ZNF785: variants seen among roughly 807,000 people sequenced by gnomAD.
The protein encoded by ZNF785 is zinc finger protein 785.
A neutral mutation model predicts 11.3 loss-of-function variants in ZNF785; 15 were observed. That is an observed-to-expected ratio of 1.32 (90% CI 0.89 to 2.04). The LOEUF is 2.04. ZNF785 is among the 30% of genes most tolerant of loss of function. The pLI is 0.00. For synonymous variants in ZNF785, 221 were observed against 231.0 expected (o/e 0.96, Z 0.39); for missense variants, 572 against 560.9 (o/e 1.02, Z -0.20).
Position 30,582,941 on chromosome 16 carries a change from C to T in ZNF785, c.837G>A (p.Thr279=), listed in dbSNP as rs2051836882. Residue 279 remains threonine (T), a synonymous_variant, in exon 3 of 3, where the codon ACG becomes ACA. Coordinates refer to ENST00000395216, the MANE Select transcript of ZNF785 (RefSeq NM_152458.7). ...YLLAIHQRKH[T]GEKPYSCPDC... ...CGGGGCAGCTGTAGGGCTTCTCGCC[C>T]GTGTGCTTGCGCTGGTGGATGGCCA... is the stretch of plus-strand genomic sequence containing the variant. 1.9e-6 allele frequency: 3 copies of T among 1,612,770 alleles called. No homozygotes were observed. Among genetic ancestry groups the T allele is most frequent in the South Asian group, 1.1e-5 (1 of 91,028 alleles).
chr16:30,581,763 C>A lies in ZNF785; in HGVS notation c.*797G>T, dbSNP rs1356911785. Reference sequence around the variant, plus strand: ...GGAACACCTACACTCCAGGTGTCTCCTTGCCAGATGTTTCACCTGCATTGG... The same window carrying A: ...GGAACACCTACACTCCAGGTGTCTCATTGCCAGATGTTTCACCTGCATTGG... On this transcript the variant is annotated 3_prime_UTR_variant, in exon 3 of 3. Transcript: ENST00000395216. The A allele has an allele frequency of 6.6e-6, 1 of 152,188 alleles. No homozygotes were observed. The highest frequency in any genetic ancestry group is 6.6e-5 in the Admixed American group (1 of 15,258). 9.4% of individuals were successfully genotyped at this position (152,188 alleles called of 1,614,324 possible). A position where few individuals can be genotyped will look rare whatever the true frequency, so the allele number is the denominator to read the frequency against.
chr16:30,583,594 T>C, intron 2 of ZNF785, 151 bp from the exon 3 acceptor site: 1 of 990,574 alleles, frequency 1.0e-6, no homozygotes, highest in Non-Finnish European at 1.4e-6. Context: ...GGAGCACGGC[T>C]TAATGATAGG....
chr16:30,584,797 ACAT>A (rs2051866271), intron 2 of ZNF785, among the ~76,000 whole-genome samples: 1 of 152,216 alleles, frequency 6.6e-6, no homozygotes, highest in Non-Finnish European at 1.5e-5. Context: ...CACGTGGTTC[ACAT>A]CATTAATATC....
chr16:30,582,672 C>T lies in ZNF785; in HGVS notation c.1106G>A (p.Arg369His), dbSNP rs1473771635. The change falls in exon 3 of 3, where the codon CGC (arginine) becomes CAC (histidine). Residue 369 changes from arginine (R) to histidine (H), a missense_variant. Arg to His is a conservative substitution (Grantham distance 29). Coordinates refer to ENST00000395216, the MANE Select transcript of ZNF785 (RefSeq NM_152458.7). ...RWIHRSCSER[R>H]AWQQAVVGRS... ...CCCCACCACGGCCTGCTGCCACGCG[C>T]GCCTCTCGCTGCAGGAGCGGTGGAT... 6 of 1,614,056 alleles carry T rather than the reference C, an allele frequency of 3.7e-6. No individual in the cohort carries two copies. The highest frequency in any genetic ancestry group is 5.1e-6 in the Non-Finnish European group (6 of 1,180,056).
Position 30,585,103 on chromosome 16 carries a change from A to C in ZNF785, c.334+19T>G. 6.3e-7 allele frequency: 1 copy of C among 1,598,824 alleles called. No individual in the cohort carries two copies. The highest frequency in any genetic ancestry group is 1.7e-4 in the Middle Eastern group (1 of 5,988). ...CGGGGGTTGGGGCTTCTCCACGGCT[A>C]CTTATCCAAATGAAGTACCTGCTTC... On this transcript the variant is annotated intron_variant, in intron 2 of 2. Transcript: ENST00000395216. This position sits in a 1 kb window ranked among gnomAD's most constrained non-coding sequence, Gnocchi z 4.0.
chr16:30,583,484 G>T, intron 2 of ZNF785, 41 bp from the exon 3 acceptor site: 1 of 1,516,706 alleles, frequency 6.6e-7, no homozygotes, highest in Non-Finnish European at 8.8e-7. Context: ...CTCATCCCTG[G>T]ATCCTGAGAC....
chr16:30,579,549 G>A, downstream of ZNF785: 1 of 289,578 alleles, frequency 3.5e-6, no homozygotes, highest in South Asian at 3.1e-5. Context: ...CACCACGCCT[G>A]GCTAATTTTT....
At position 30,583,043 on chromosome 16, in the gene ZNF785, G is replaced by T; in HGVS notation, c.735C>A (p.Ile245=). Residue 245 remains isoleucine (I), a synonymous_variant, in exon 3 of 3, where the codon ATC becomes ATA. Coordinates refer to ENST00000395216, the MANE Select transcript of ZNF785 (RefSeq NM_152458.7). The stretch of plus-strand genomic sequence containing the variant: ...TCTCCCCGGTGTGAGCCCGCCTGTG[G>T]ATAGCCAGGGAACCCCTCTGGCGGA... ...RRFRQRGSLA[I]HRRAHTGEKP... The T allele has an allele frequency of 6.2e-7, 1 of 1,612,926 alleles. No homozygotes were observed. Among genetic ancestry groups the T allele is most frequent in the Non-Finnish European group, 8.5e-7 (1 of 1,179,786 alleles).
rs779483695 is a variant in ZNF785 at position 30,583,035 on chromosome 16, C to T, written c.743G>A (p.Arg248Gln). 1.4e-5 allele frequency: 22 copies of T among 1,613,830 alleles called. No individual in the cohort carries two copies. In the South Asian group the frequency reaches 2.2e-4, roughly 16 times the overall value. Residue 248 changes from arginine to glutamine, a missense_variant, in exon 3 of 3, where the codon CGG becomes CAG. Coordinates refer to ENST00000395216, the MANE Select transcript of ZNF785 (RefSeq NM_152458.7). The stretch of plus-strand genomic sequence containing the variant: ...GTAAGGCTTCTCCCCGGTGTGAGCC[C>T]GCCTGTGGATAGCCAGGGAACCCCT... ...RQRGSLAIHR[R>Q]AHTGEKPYAC... is the part of the protein sequence containing the mutation.
In ZNF785 at chr16:30,582,991, T is replaced by C; in HGVS notation, c.787A>G (p.Ser263Gly). 6.2e-7 allele frequency: 1 copy of C among 1,613,776 alleles called. No homozygotes were observed. ...AGCAGGTAGGGGTAAGTGAAGCGAC[T>C]CTTGCAGTCTGAGCACGCGTAAGGC... is the stretch of plus-strand genomic sequence containing the variant. ...EKPYACSDCK[S>G]RFTYPYLLAI... The change falls in exon 3 of 3, where the codon AGT becomes GGT. Residue 263 changes from serine (S) to glycine (G), a missense_variant. Transcript: ENST00000395216.
rs2051798172 is a variant in ZNF785 at position 30,580,689 on chromosome 16, A to T, written c.*1871T>A. The T allele has an allele frequency of 7.5e-6, 1 of 132,924 alleles. No individual in the cohort carries two copies. Among genetic ancestry groups the T allele is most frequent in the Non-Finnish European group, 1.6e-5 (1 of 63,560 alleles). The allele number at this position is 132,924 out of a possible 1,614,324, so 8.2% of individuals were successfully genotyped here. On this transcript the variant is annotated 3_prime_UTR_variant, in exon 3 of 3. Coordinates refer to ENST00000395216, the MANE Select transcript of ZNF785 (RefSeq NM_152458.7). ...TTTTTTTTTGGTATTTTTAGTAGAGATGGGGTTTCACCATATTGGCCAGGC... is the reference window on the plus strand; with the variant it reads ...TTTTTTTTTGGTATTTTTAGTAGAGTTGGGGTTTCACCATATTGGCCAGGC...
chr16:30,583,242 C>A lies in ZNF785; in HGVS notation c.536G>T (p.Arg179Leu), dbSNP rs749085370. 1.2e-6 allele frequency: 2 copies of A among 1,613,584 alleles called. No individual in the cohort carries two copies. The highest frequency in any genetic ancestry group is 1.7e-6 in the Non-Finnish European group (2 of 1,179,642). The change falls in exon 3 of 3, where the codon CGC (arginine) becomes CTC (leucine). Residue 179 changes from arginine (R) to leucine (L), a missense_variant. Physicochemically the swap from Arg to Leu is moderately radical, Grantham distance 102 (BLOSUM62 -2). Transcript: ENST00000395216. ...RLPHSCPDCG[R>L]NFSYPSLLAS... ...CAGGAGGGAAGGGTAGCTGAAGTTG[C>A]GGCCACAGTCTGGGCAAGAGTGGGG...
rs1421734241 is a variant in ZNF785, at chr16:30,582,914, A to G, written c.864T>C (p.Asp288=). 1.9e-6 allele frequency: 3 copies of G among 1,610,534 alleles called. No homozygotes were observed. Among genetic ancestry groups the G allele is most frequent in the East Asian group, 2.2e-5 (1 of 44,736 alleles). Residue 288 remains aspartate, a synonymous_variant, in exon 3 of 3, where the codon GAT becomes GAC. Coordinates refer to ENST00000395216, the MANE Select transcript of ZNF785 (RefSeq NM_152458.7). ...AGGTGTAGGCGAAACGGAGGCTGCAATCGGGGCAGCTGTAGGGCTTCTCGC... is the reference window on the plus strand; with the variant it reads ...AGGTGTAGGCGAAACGGAGGCTGCAGTCGGGGCAGCTGTAGGGCTTCTCGC... ...HTGEKPYSCP[D]CSLRFAYTSL...
At chr16:30,583,917 G>A (rs2051855144) in intron 2 of ZNF785, 1 of 152,716 alleles carries the variant, frequency 6.5e-6, no homozygotes, top group African/African-American at 2.4e-5. Context: ...AGGCTGGGGT[G>A]GGCAGATCAC....
chr16:30,581,635 C>A lies in ZNF785; in HGVS notation c.*925G>T, dbSNP rs964614505. 5.3e-5 allele frequency: 8 copies of A among 152,132 alleles called. No homozygotes were observed. The highest frequency in any genetic ancestry group is 1.9e-4 in the African/African-American group (8 of 41,402). The allele number at this position is 152,132 out of a possible 1,614,324, so 9.4% of individuals were successfully genotyped here. On this transcript the variant is annotated 3_prime_UTR_variant, in exon 3 of 3. Coordinates refer to ENST00000395216, the MANE Select transcript of ZNF785 (RefSeq NM_152458.7). ...AGAGTTGGCCCAGTTCCAGAGTCCGCTATGTTTGATAGTTTGTGCACTTGC... is the reference window on the plus strand; with the variant it reads ...AGAGTTGGCCCAGTTCCAGAGTCCGATATGTTTGATAGTTTGTGCACTTGC...
chr16:30,585,170 C>G lies in ZNF785; in HGVS notation c.286G>C (p.Asp96His). 6.2e-7 allele frequency: 1 copy of G among 1,614,110 alleles called. No individual in the cohort carries two copies. Among genetic ancestry groups the G allele is most frequent in the Non-Finnish European group, 8.5e-7 (1 of 1,179,978 alleles). The change falls in exon 2 of 3, where the codon GAC becomes CAC. Residue 96 changes from aspartate (D) to histidine (H), a missense_variant. By Grantham distance (81) the Asp-to-His change is moderately conservative (BLOSUM62 -1). Coordinates refer to ENST00000395216, the MANE Select transcript of ZNF785 (RefSeq NM_152458.7). This position sits in a 1 kb window ranked among gnomAD's most constrained non-coding sequence, Gnocchi z 4.0. ...CTGAAAGCTGCAGAGCTCTCACCGT[C>G]GGGATCCTGGGCCTCCGGGCTCCAC... Reference protein sequence around the residue: ...EAWSPEAQDPDGESSAAFSRG... With the variant: ...EAWSPEAQDPHGESSAAFSRG...
In ZNF785 at chr16:30,582,919, G is replaced by A. The variant is rs764706660; in HGVS notation, c.859C>T (p.Pro287Ser). Reference protein sequence around the residue: ...KHTGEKPYSCPDCSLRFAYTS... With the variant: ...KHTGEKPYSCSDCSLRFAYTS... ...TAGGCGAAACGGAGGCTGCAATCGG[G>A]GCAGCTGTAGGGCTTCTCGCCCGTG... The change falls in exon 3 of 3, where the codon CCC (proline) becomes TCC (serine). Residue 287 changes from proline (P) to serine (S), a missense_variant. Physicochemically the swap from Pro to Ser is moderately conservative, Grantham distance 74 (BLOSUM62 -1). Coordinates refer to ENST00000395216, the MANE Select transcript of ZNF785 (RefSeq NM_152458.7). 3.1e-6 allele frequency: 5 copies of A among 1,613,500 alleles called. No individual in the cohort carries two copies. The highest frequency in any genetic ancestry group is 4.2e-6 in the Non-Finnish European group (5 of 1,179,922).
At position 30,585,595 on chromosome 16, in the gene ZNF785, G is replaced by T; in HGVS notation, c.17C>A (p.Ala6Glu). ...CCCGGGTACGTGGGCCGGGCGCGGC[G>T]CCAGGGGCGGCCCCATGGGAAACCC... MGPPL[A>E]PRPAHVPGEA... Residue 6 changes from alanine to glutamate, a missense_variant, in exon 1 of 3, where the codon GCG becomes GAG. Transcript: ENST00000395216. The surrounding 1 kb of genome is among the most constrained non-coding windows in gnomAD (Gnocchi z 4.0). 1 of 1,506,252 alleles carries T rather than the reference G, an allele frequency of 6.6e-7. No individual in the cohort carries two copies. Among genetic ancestry groups the T allele is most frequent in the Non-Finnish European group, 8.8e-7 (1 of 1,133,508 alleles). 93.3% of individuals were successfully genotyped at this position (1,506,252 alleles called of 1,614,324 possible).
chr16:30,585,495 A>T lies in ZNF785; in HGVS notation c.117T>A (p.Ser39=), dbSNP rs1445326191. The T allele has an allele frequency of 6.2e-7, 1 of 1,601,508 alleles. No homozygotes were observed. The highest frequency in any genetic ancestry group is 1.7e-5 in the Admixed American group (1 of 58,048). Residue 39 remains serine (S), a synonymous_variant, in exon 1 of 3, where the codon TCT becomes TCA. Transcript: ENST00000395216. The surrounding 1 kb of genome is among the most constrained non-coding windows in gnomAD (Gnocchi z 4.0). ...VSFADVAVYF[S]PEEWECLRPA... is the part of the protein sequence containing the mutation. Reference sequence around the variant, plus strand: ...GCCGCAGGCATTCCCACTCCTCGGGAGAGAAGTACACGGCCACGTCCGCGA... The same window carrying T: ...GCCGCAGGCATTCCCACTCCTCGGGTGAGAAGTACACGGCCACGTCCGCGA...
Sources: gnomAD v4.1 joint callset for allele counts (sites outside exome capture counted in the v4.1 genomes callset) on GRCh38, gnomAD v4.1.1 for gene constraint, Gnocchi (gnomAD v3.1) non-coding constraint, MANE v1.5 for transcripts, NCBI Gene and HGNC (gene_info 2026-07-23, HGNC 2026-07-21) for gene names.